The following RIT2 variants were observed in gnomAD, a reference collection of about 807,000 sequenced individuals.
The protein encoded by RIT2 is GTP-binding protein Rit2.
RIT2 carries 24 observed loss-of-function variants against 23.7 expected under a neutral mutation model. That is an observed-to-expected ratio of 1.01 (90% confidence interval 0.73 to 1.43). RIT2 has a LOEUF of 1.43. RIT2 is among the 40% of genes most tolerant of loss of function. RIT2 has a pLI of 0.00. For missense variants in RIT2, 236 were observed against 266.9 expected, an observed-to-expected ratio of 0.88 and a Z score of 0.81; for synonymous variants, 107 against 91.1, an observed-to-expected ratio of 1.17 and a Z score of -0.99.
chr18:42,916,219 G>A (rs1908906188), intron 4 of RIT2, among the ~76,000 whole-genome samples: 2 of 152,154 alleles, frequency 1.3e-5, no homozygotes, highest in Admixed American at 6.6e-5. Flanking sequence ...AGGTGGTACT[G>A]TCTCTTTTGG....
intron 2 of RIT2, among the ~76,000 whole-genome samples, chr18:43,012,781 C>A (rs1053590942): frequency 2.6e-5 from 4 of 151,562 alleles, no homozygotes; most frequent in Non-Finnish European, 2.9e-5. Context: ...TCTTATAACT[C>A]CACATTTTAT....
At chr18:43,031,291 G>A (rs1911848731) in intron 2 of RIT2, among the ~76,000 whole-genome samples, 1 of 150,942 alleles carries the variant, frequency 6.6e-6, no homozygotes, top group Admixed American at 6.6e-5. Flanking sequence ...TCCTGCCCTG[G>A]GCCTAACAGA....
intron 4 of RIT2, among the ~76,000 whole-genome samples, chr18:42,839,253 C>T (rs780519209): frequency 2.6e-5 from 4 of 151,882 alleles, no homozygotes; most frequent in Non-Finnish European, 5.9e-5. Flanking sequence ...TAGACACCCA[C>T]CAATCAATGG....
chr18:42,756,533 A>T (rs896546000), intron 4 of RIT2, among the ~76,000 whole-genome samples: 4 of 152,198 alleles, frequency 2.6e-5, no homozygotes, highest in African/African-American at 9.6e-5. Context: ...TGCTAACAGC[A>T]ATATCTGCCT....
At chr18:42,836,430 T>C (rs910469417) in intron 4 of RIT2, among the ~76,000 whole-genome samples, 2 of 152,064 alleles carry the variant, frequency 1.3e-5, no homozygotes, top group Non-Finnish European at 2.9e-5. Flanking sequence ...ATAGTCAACA[T>C]ACTAGAAAGC....
chr18:42,996,955 T>C (rs969587454), intron 2 of RIT2, among the ~76,000 whole-genome samples: 8 of 152,144 alleles, frequency 5.3e-5, no homozygotes, highest in African/African-American at 1.4e-4. Flanking sequence ...TTCTGCACCA[T>C]GTGACATTTC....
At chr18:42,920,945 T>C (rs12966146) in intron 4 of RIT2, among the ~76,000 whole-genome samples, 60,788 of 151,640 alleles carry the variant, frequency 0.4, 15,838 homozygotes, top group Non-Finnish European at 0.58. Flanking sequence ...GAGTCTGCTT[T>C]TTTTTTTTTA....
intron 3 of RIT2, among the ~76,000 whole-genome samples, chr18:42,924,235 G>A (rs1909127281): frequency 6.6e-6 from 1 of 152,044 alleles, no homozygotes; most frequent in South Asian, 2.1e-4. Flanking sequence ...CAAGGAATCT[G>A]GGGGAACAAA....
intron 4 of RIT2, among the ~76,000 whole-genome samples, chr18:42,751,448 G>C (rs1172846556): frequency 6.6e-6 from 1 of 151,590 alleles, no homozygotes; most frequent in Admixed American, 6.6e-5. Flanking sequence ...CAATCATTAG[G>C]GACATCAAAA....
At chr18:42,988,642 C>T (rs1230147985) in intron 2 of RIT2, among the ~76,000 whole-genome samples, 2 of 152,154 alleles carry the variant, frequency 1.3e-5, no homozygotes, top group East Asian at 1.9e-4. Flanking sequence ...AATAAAACTA[C>T]AGGAGAGGTA....
chr18:42,945,177 T>A (rs1909698194), intron 3 of RIT2, among the ~76,000 whole-genome samples: 1 of 152,164 alleles, frequency 6.6e-6, no homozygotes. Flanking sequence ...TATTTTCATC[T>A]GATAACTTTA....
chr18:43,112,367 T>C (rs545498746), intron 1 of RIT2, among the ~76,000 whole-genome samples: 3 of 152,322 alleles, frequency 2.0e-5, no homozygotes, highest in African/African-American at 7.2e-5. Context: ...GAAATACATG[T>C]AGCCCATGCC....
chr18:42,924,432 CTCTT>C (rs1909132145), intron 3 of RIT2, among the ~76,000 whole-genome samples: 1 of 151,792 alleles, frequency 6.6e-6, no homozygotes, highest in East Asian at 1.9e-4. Flanking sequence ...ATTCTGCTGA[CTCTT>C]TCATCTTCTT....
intron 4 of RIT2, among the ~76,000 whole-genome samples, chr18:42,905,909 GAA>G (rs552401154): frequency 4.0e-4 from 52 of 131,558 alleles, no homozygotes; most frequent in African/African-American, 1.3e-3. Context: ...GGCTAAGGAG[GAA>G]AAAAAAAAAA....
chr18:42,776,056 C>T (rs1020898856), intron 4 of RIT2, among the ~76,000 whole-genome samples: 23 of 152,128 alleles, frequency 1.5e-4, no homozygotes, highest in Admixed American at 1.2e-3. Context: ...AAGTTGGCAG[C>T]TGCAAGTGCT....
At chr18:42,885,129 G>A (rs1412474007) in intron 4 of RIT2, among the ~76,000 whole-genome samples, 1 of 152,046 alleles carries the variant, frequency 6.6e-6, no homozygotes, top group African/African-American at 2.4e-5. Context: ...AAGTATTGCT[G>A]GCAGCAAAAT....
chr18:43,079,620 G>C (rs1026078652), intron 1 of RIT2, among the ~76,000 whole-genome samples: 38 of 152,174 alleles, frequency 2.5e-4, no homozygotes, highest in African/African-American at 8.7e-4. Flanking sequence ...CCTGACTTAT[G>C]ACAGAGGAAT....
chr18:43,092,692 T>A (rs1913452835), intron 1 of RIT2, among the ~76,000 whole-genome samples: 1 of 152,040 alleles, frequency 6.6e-6, no homozygotes, highest in Non-Finnish European at 1.5e-5. Context: ...AAGCTCAGCT[T>A]GAAGGCAGCA....
intron 1 of RIT2, among the ~76,000 whole-genome samples, chr18:43,100,388 A>G (rs941285267): frequency 6.6e-6 from 1 of 152,162 alleles, no homozygotes; most frequent in African/African-American, 2.4e-5. Context: ...GAGGGAGGTT[A>G]GTAGGACATG....
Sources: gnomAD v4.1 joint callset for allele counts (sites outside exome capture counted in the v4.1 genomes callset) on GRCh38, gnomAD v4.1.1 for gene constraint, MANE v1.5 for transcripts, NCBI Gene and HGNC (gene_info 2026-07-23, HGNC 2026-07-21) for gene names.